The following KCNK3 variants were observed in gnomAD, a reference collection of about 807,000 sequenced individuals.
KCNK3 encodes the protein potassium two pore domain channel subfamily K member 3, also known as potassium channel subfamily K member 3.
In KCNK3, 9 loss-of-function variants were observed where a neutral mutation model predicts 27.3. The observed-to-expected ratio is 0.33, with a 90% CI of 0.20 to 0.57. The LOEUF is 0.57. Ranked by LOEUF, KCNK3 falls within the 20% of genes least tolerant of loss-of-function variation. The pLI is 0.87. For synonymous variants in KCNK3, 278 were observed against 273.8 expected, an observed-to-expected ratio of 1.02 and a Z score of -0.15; for missense variants, 391 against 577.7, an observed-to-expected ratio of 0.68 and a Z score of 3.31.
chr2:26,707,750 A>C (rs1670393385), intron 1 of KCNK3, among the ~76,000 whole-genome samples: 1 of 152,214 alleles, frequency 6.6e-6, no homozygotes, highest in Non-Finnish European at 1.5e-5. Flanking sequence ...AGTCCTGCAG[A>C]TGCTTCAGAT....
Position 26,727,692 on chromosome 2 carries a change from G to T in KCNK3, c.309G>T (p.Thr103=), listed in dbSNP as rs199957242. The change falls in exon 2 of 2, where the codon ACG becomes ACT. Residue 103 remains threonine (T), a synonymous_variant. Coordinates refer to ENST00000302909, the MANE Select transcript of KCNK3 (RefSeq NM_002246.3). ...TIGYGHAAPS[T]DGGKVFCMFY... ...GCTACGGGCACGCGGCACCCAGCAC[G>T]GATGGCGGCAAGGTGTTCTGCATGT... is the stretch of plus-strand genomic sequence containing the variant. The T allele has an allele frequency of 4.8e-5, 73 of 1,528,642 alleles. No individual in the cohort carries two copies. The Middle Eastern group carries it at 7.0e-4, about 15-fold the overall frequency. The allele number at this position is 1,528,642 out of a possible 1,614,324, so 94.7% of individuals were successfully genotyped here.
chr2:26,714,818 G>A (rs939194047), intron 1 of KCNK3, among the ~76,000 whole-genome samples: 7 of 151,960 alleles, frequency 4.6e-5, no homozygotes, highest in African/African-American at 1.4e-4. Flanking sequence ...CCCAGGAGGC[G>A]GAGGTTGCAG....
At position 26,728,329 on chromosome 2, in the gene KCNK3, A is replaced by G. The variant is rs142003111; in HGVS notation, c.946A>G (p.Lys316Glu). The G allele has an allele frequency of 1.7e-5, 27 of 1,604,024 alleles. No homozygotes were observed. In the African/African-American group the frequency reaches 3.2e-4, roughly 19 times the overall value. The change falls in exon 2 of 2, where the codon AAG (lysine) becomes GAG (glutamate). Residue 316 changes from lysine to glutamate, a missense_variant. By Grantham distance (56) the Lys-to-Glu change is moderately conservative. Transcript: ENST00000302909. ...GTCCATGTGCTCGTGCCTGTGGTAC[A>G]AGAGCCGCGAGAAGCTGCAGTACTC... ...FQSMCSCLWYKSREKLQYSIP... is the reference protein window; with the variant it reads ...FQSMCSCLWYESREKLQYSIP...
At chr2:26,726,793 C>T (rs1174641161) in intron 1 of KCNK3, among the ~76,000 whole-genome samples, 6 of 138,022 alleles carry the variant, frequency 4.3e-5, no homozygotes, top group Admixed American at 3.8e-4. Flanking sequence ...AGGGTGGGGG[C>T]GGGGTACAGA....
chr2:26,729,705 C>G lies in KCNK3; in HGVS notation c.*1137C>G, dbSNP rs994955885. The G allele has an allele frequency of 6.6e-6, 1 of 151,906 alleles. No homozygotes were observed. Among genetic ancestry groups the G allele is most frequent in the Non-Finnish European group, 1.5e-5 (1 of 68,034 alleles). 9.4% of individuals were successfully genotyped at this position (151,906 alleles called of 1,614,324 possible). ...AAAAAATTAACCAGGTGTGGTGGCACGTGCCTGGGAGTCCCAGCGACTTGG... is the reference window on the plus strand; with the variant it reads ...AAAAAATTAACCAGGTGTGGTGGCAGGTGCCTGGGAGTCCCAGCGACTTGG... On this transcript the variant is annotated 3_prime_UTR_variant, in exon 2 of 2. Coordinates refer to ENST00000302909, the MANE Select transcript of KCNK3 (RefSeq NM_002246.3).
At chr2:26,699,082 G>A (rs899047341) in intron 1 of KCNK3, among the ~76,000 whole-genome samples, 2 of 151,784 alleles carry the variant, frequency 1.3e-5, no homozygotes, top group South Asian at 4.2e-4. Flanking sequence ...GGAGGCTGAG[G>A]CAGGAGAATC....
intron 1 of KCNK3, chr2:26,724,460 G>A: frequency 2.8e-6 from 1 of 360,358 alleles, no homozygotes; most frequent in Non-Finnish European, 3.9e-6. Context: ...CAACACCCAA[G>A]GCCTCTCTGG....
intron 1 of KCNK3, among the ~76,000 whole-genome samples, chr2:26,720,529 T>A (rs900095092): frequency 6.6e-6 from 1 of 152,140 alleles, no homozygotes; most frequent in Admixed American, 6.5e-5. Flanking sequence ...GCTCCCTGCA[T>A]CACACATGGG....
rs145849564 is a variant in KCNK3 at position 26,727,902 on chromosome 2, C to T, written c.519C>T (p.Ile173=). Residue 173 remains isoleucine (I), a synonymous_variant, in exon 2 of 2, where the codon ATC becomes ATT. Coordinates refer to ENST00000302909, the MANE Select transcript of KCNK3 (RefSeq NM_002246.3). ...GFFSCISTLC[I]GAAAFSHYEH... ...TCTCGTGCATCAGCACGCTGTGCAT[C>T]GGCGCCGCCGCCTTCTCCCACTACG... The T allele has an allele frequency of 3.7e-6, 6 of 1,614,104 alleles. No homozygotes were observed. Among genetic ancestry groups the T allele is most frequent in the East Asian group, 2.2e-5 (1 of 44,898 alleles).
intron 1 of KCNK3, among the ~76,000 whole-genome samples, chr2:26,719,631 G>C (rs1039789656): frequency 6.6e-6 from 1 of 152,196 alleles, no homozygotes; most frequent in Non-Finnish European, 1.5e-5. Context: ...AGTTTTCAAA[G>C]TGCTTCCACT....
At chr2:26,696,284 G>C (rs1670234366) in intron 1 of KCNK3, among the ~76,000 whole-genome samples, 1 of 152,246 alleles carries the variant, frequency 6.6e-6, no homozygotes, top group South Asian at 2.1e-4. Context: ...AGGCGTGAAG[G>C]CTCAGGGAAG....
chr2:26,699,385 G>A (rs1670279504), intron 1 of KCNK3, among the ~76,000 whole-genome samples: 1 of 152,116 alleles, frequency 6.6e-6, no homozygotes, highest in Non-Finnish European at 1.5e-5. Flanking sequence ...GCTGGAGCAT[G>A]GAGAGAGTGG....
At chr2:26,695,909 G>A (rs993745546) in intron 1 of KCNK3, among the ~76,000 whole-genome samples, 1 of 152,132 alleles carries the variant, frequency 6.6e-6, no homozygotes, top group Non-Finnish European at 1.5e-5. Context: ...TGCCCCACCT[G>A]ACCATCCTGG....
chr2:26,715,242 A>G (rs1187717880), intron 1 of KCNK3, among the ~76,000 whole-genome samples: 2 of 152,226 alleles, frequency 1.3e-5, no homozygotes, highest in Non-Finnish European at 2.9e-5. Flanking sequence ...ATACTCATCT[A>G]AAATGTTTGT....
In KCNK3 at chr2:26,704,738, T is replaced by C. The variant is rs935427432; in HGVS notation, c.283+11580T>C. ...TGGGGGCAGGCACGGTACAGACAGTTCCAGGCAGGGCAAGCCTCCGATCAA... is the reference window on the plus strand; with the variant it reads ...TGGGGGCAGGCACGGTACAGACAGTCCCAGGCAGGGCAAGCCTCCGATCAA... On this transcript the variant is annotated intron_variant, in intron 1 of 1. Coordinates refer to ENST00000302909, the MANE Select transcript of KCNK3 (RefSeq NM_002246.3). 8.5e-4 allele frequency among the ~76,000 whole-genome samples: 130 copies of C among 152,310 alleles called. 1 individual carries two copies. Among genetic ancestry groups the C allele is most frequent in the African/African-American group, 1.3e-3 (53 of 41,582 alleles).
At position 26,721,970 on chromosome 2, in the gene KCNK3, G is replaced by A. The variant is rs953763253; in HGVS notation, c.284-5697G>A. Among the ~76,000 whole-genome samples the A allele has an allele frequency of 2.0e-5, 3 of 152,164 alleles. No individual in the cohort carries two copies. The highest frequency in any genetic ancestry group is 4.1e-4 in the South Asian group (2 of 4,828). ...GAGAAGGAGATCAAAGAATCATATC[G>A]TCAGAGACCTGGGGGAAGGACCTCA... On this transcript the variant is annotated intron_variant, in intron 1 of 1. Coordinates refer to ENST00000302909, the MANE Select transcript of KCNK3 (RefSeq NM_002246.3). The surrounding 1 kb of genome is among the most constrained non-coding windows in gnomAD (Gnocchi z 4.3).
chr2:26,716,744 A>G (rs1663237837), intron 1 of KCNK3, among the ~76,000 whole-genome samples: 1 of 152,230 alleles, frequency 6.6e-6, no homozygotes, highest in Admixed American at 6.5e-5. Context: ...GATTTACTCA[A>G]TGCTAAAATA....
chr2:26,710,727 C>A (rs1663096748), intron 1 of KCNK3, among the ~76,000 whole-genome samples: 1 of 152,148 alleles, frequency 6.6e-6, no homozygotes. Flanking sequence ...CCTTGGGATT[C>A]TGAGGCCCTG....
In KCNK3 at chr2:26,727,725, G is replaced by A. The variant is rs767471086; in HGVS notation, c.342G>A (p.Ala114=). The A allele has an allele frequency of 6.4e-6, 10 of 1,562,912 alleles. No homozygotes were observed. The highest frequency in any genetic ancestry group is 1.4e-5 in the African/African-American group (1 of 73,786). ...GCAAGGTGTTCTGCATGTTCTACGCGCTGCTGGGCATCCCGCTCACGCTCG... is the reference window on the plus strand; with the variant it reads ...GCAAGGTGTTCTGCATGTTCTACGCACTGCTGGGCATCCCGCTCACGCTCG... ...DGGKVFCMFY[A]LLGIPLTLVM... Residue 114 remains alanine (A), a synonymous_variant, in exon 2 of 2, where the codon GCG becomes GCA. Transcript: ENST00000302909.
Sources: gnomAD v4.1 joint callset for allele counts (sites outside exome capture counted in the v4.1 genomes callset) on GRCh38, gnomAD v4.1.1 for gene constraint, Gnocchi (gnomAD v3.1) non-coding constraint, MANE v1.5 for transcripts, NCBI Gene and HGNC (gene_info 2026-07-23, HGNC 2026-07-21) for gene names.